The following FBXL4 variants were observed in gnomAD, a reference collection of about 807,000 sequenced individuals.
The protein encoded by FBXL4 is F-box/LRR-repeat protein 4.
Under a neutral mutation model 58.9 loss-of-function variants are expected in FBXL4, and 40 were observed. That is an observed-to-expected ratio of 0.68 (90% confidence interval 0.53 to 0.88). The LOEUF is 0.88. FBXL4 is among the 40% of genes least tolerant of loss of function. The pLI is 0.00. For synonymous variants in FBXL4, 263 were observed against 265.5 expected (o/e 0.99, Z 0.09); for missense variants, 676 against 734.4 (o/e 0.92, Z 0.92).
intron 5 of FBXL4, among the ~76,000 whole-genome samples, chr6:98,909,804 T>G (rs538010540): frequency 2.5e-4 from 38 of 152,232 alleles, no homozygotes; most frequent in Non-Finnish European, 5.0e-4. Context: ...TTGTCCAATC[T>G]GTGAAGCTCC....
At chr6:98,901,918 G>A (rs1160308438) in intron 6 of FBXL4, among the ~76,000 whole-genome samples, 1 of 152,056 alleles carries the variant, frequency 6.6e-6, no homozygotes, top group Non-Finnish European at 1.5e-5. Flanking sequence ...TATACTGAAG[G>A]TTTTATGAGA....
intron 7 of FBXL4, among the ~76,000 whole-genome samples, chr6:98,891,397 C>T (rs1204750094): frequency 6.6e-6 from 1 of 152,116 alleles, no homozygotes; most frequent in Non-Finnish European, 1.5e-5. Flanking sequence ...TCTTAAAATC[C>T]TTGTGTGTGA....
At chr6:98,945,704 G>T (rs1031618723) in intron 1 of FBXL4, among the ~76,000 whole-genome samples, 2 of 152,070 alleles carry the variant, frequency 1.3e-5, no homozygotes, top group African/African-American at 4.8e-5. Flanking sequence ...CACTTCTACA[G>T]CCATTTATCT....
At chr6:98,885,945 A>G (rs966090745) in intron 7 of FBXL4, among the ~76,000 whole-genome samples, 2 of 152,132 alleles carry the variant, frequency 1.3e-5, no homozygotes, top group African/African-American at 4.8e-5. Context: ...GCCTATGGAG[A>G]GGCCTGTGTG....
chr6:98,934,948 G>C (rs1351066631), intron 1 of FBXL4, 69 bp from the exon 2 acceptor site: 1 of 152,194 alleles, frequency 6.6e-6, no homozygotes, highest in African/African-American at 2.4e-5. Context: ...AATCAAGGTA[G>C]ATCTCAAAAA....
rs942159602 is a variant in FBXL4, at chr6:98,880,646, G to A, written c.1318-22C>T. The A allele has an allele frequency of 1.9e-6, 3 of 1,604,192 alleles. No homozygotes were observed. In the African/African-American group the frequency reaches 4.0e-5, roughly 21 times the overall value. The stretch of plus-strand genomic sequence containing the variant: ...TTTGCTGCCATTAGGGACCACATCA[G>A]AGGCAAATATGGAAAGTGAATGAAA... On this transcript the variant is annotated intron_variant, in intron 7 of 9. Transcript: ENST00000369244.
chr6:98,898,798 A>T (rs1309352821), intron 7 of FBXL4: 1 of 985,218 alleles, frequency 1.0e-6, no homozygotes, highest in Non-Finnish European at 1.2e-6. Flanking sequence ...GATATTAGTG[A>T]AAAAGCAAGT....
chr6:98,886,329 T>C (rs1365331842), intron 7 of FBXL4, among the ~76,000 whole-genome samples: 1 of 152,126 alleles, frequency 6.6e-6, no homozygotes, highest in African/African-American at 2.4e-5. Flanking sequence ...ATTGTGTGGG[T>C]GTGTATAAAA....
intron 4 of FBXL4, among the ~76,000 whole-genome samples, chr6:98,923,456 C>T (rs1255468592): frequency 6.6e-6 from 1 of 152,162 alleles, no homozygotes; most frequent in Non-Finnish European, 1.5e-5. Flanking sequence ...TTATTCTCTG[C>T]ATTCTTGGAC....
chr6:98,870,241 CT>C lies in FBXL4; in HGVS notation c.*4036del, dbSNP rs1315077069. The C allele has an allele frequency of 1.6e-4, 25 of 152,292 alleles. No homozygotes were observed. The highest frequency in any genetic ancestry group is 5.8e-4 in the African/African-American group (24 of 41,572). The allele number at this position is 152,292 out of a possible 1,614,324, so 9.4% of individuals were successfully genotyped here. A position where few individuals can be genotyped will look rare whatever the true frequency, so the allele number is the denominator to read the frequency against. ...TTAGGAATGGGCAAACATGGATTAACTGACTCGAAAATACTCTGGAATAGGG... is the reference window on the plus strand; with the variant it reads ...TTAGGAATGGGCAAACATGGATTAACGACTCGAAAATACTCTGGAATAGGG... On this transcript the variant is annotated 3_prime_UTR_variant, in exon 10 of 10. Coordinates refer to ENST00000369244, the MANE Select transcript of FBXL4 (RefSeq NM_001278716.2).
At chr6:98,947,633 A>AGGCGCGGGGGCGCGGG (rs905356002) in intron 1 of FBXL4, among the ~76,000 whole-genome samples, 173 bp downstream of exon 1, 2 of 151,688 alleles carry the variant, frequency 1.3e-5, no homozygotes, top group Non-Finnish European at 2.9e-5. Context: ...CGTGAAGCGG[A>AGGCGCGGGGGCGCGGG]GGCGCGGGGG....
chr6:98,899,211 C>G, intron 7 of FBXL4, 57 bp downstream of exon 7: 2 of 1,589,012 alleles, frequency 1.3e-6, no homozygotes, highest in Non-Finnish European at 1.7e-6. Flanking sequence ...TTACAGAAAA[C>G]CAAATCTTCA....
chr6:98,946,974 A>C (rs934045344), intron 1 of FBXL4, among the ~76,000 whole-genome samples: 1 of 152,232 alleles, frequency 6.6e-6, no homozygotes, highest in African/African-American at 2.4e-5. Context: ...CAAGGAGTGC[A>C]CGCAAGAACC....
At chr6:98,938,821 G>A (rs1773320237) in intron 1 of FBXL4, among the ~76,000 whole-genome samples, 1 of 151,958 alleles carries the variant, frequency 6.6e-6, no homozygotes, top group Non-Finnish European at 1.5e-5. Flanking sequence ...AGCGGCTCAT[G>A]CCTGTAATCC....
At position 98,884,619 on chromosome 6, in the gene FBXL4, C is replaced by T. The variant is rs1349443709; in HGVS notation, c.1318-3995G>A. On this transcript the variant is annotated intron_variant, in intron 7 of 9. Transcript: ENST00000369244. ...AATATATCTTTTGTCTCTGATAGCT[C>T]TTGTCCCTTTATTTTTGATCTCCTG... 6.6e-5 allele frequency among the ~76,000 whole-genome samples: 10 copies of T among 152,100 alleles called. No homozygotes were observed. The East Asian group carries it at 1.7e-3, about 26-fold the overall frequency.
chr6:98,904,518 G>T (rs1012052362), intron 6 of FBXL4, among the ~76,000 whole-genome samples: 9 of 152,034 alleles, frequency 5.9e-5, no homozygotes, highest in African/African-American at 2.2e-4. Context: ...TATAATCTAA[G>T]TTGAGGAAAC....
chr6:98,934,225 G>A (rs13211626), intron 2 of FBXL4, among the ~76,000 whole-genome samples: 7,490 of 152,156 alleles, frequency 0.049, 254 homozygotes, highest in Middle Eastern at 0.12. Flanking sequence ...AAAACAGTAC[G>A]TTGATTATGG....
At chr6:98,904,852 A>T (rs1771739376) in intron 6 of FBXL4, among the ~76,000 whole-genome samples, 1 of 152,214 alleles carries the variant, frequency 6.6e-6, no homozygotes. Context: ...AATGCTTAAC[A>T]GGTGACATTT....
Position 98,869,744 on chromosome 6 carries a change from CTTCAG to C in FBXL4, c.*4529_*4533del, listed in dbSNP as rs1164905154. Reference sequence around the variant, plus strand: ...TTACACTTCACATATGAGTTTTAGTCTTCAGTTAATTCCTGGGAAATGCCAAAAAT... The same window carrying C: ...TTACACTTCACATATGAGTTTTAGTCTTAATTCCTGGGAAATGCCAAAAAT... On this transcript the variant is annotated 3_prime_UTR_variant, in exon 10 of 10. Coordinates refer to ENST00000369244, the MANE Select transcript of FBXL4 (RefSeq NM_001278716.2). 7 of 152,146 alleles carry C rather than the reference CTTCAG, an allele frequency of 4.6e-5. No individual in the cohort carries two copies. Among genetic ancestry groups the C allele is most frequent in the African/African-American group, 1.7e-4 (7 of 41,438 alleles). 9.4% of individuals were successfully genotyped at this position (152,146 alleles called of 1,614,324 possible).
Sources: gnomAD v4.1 joint callset for allele counts (sites outside exome capture counted in the v4.1 genomes callset) on GRCh38, gnomAD v4.1.1 for gene constraint, MANE v1.5 for transcripts, NCBI Gene and HGNC (gene_info 2026-07-23, HGNC 2026-07-21) for gene names.